Variants in PLEKHG4B observed in about 807,000 individuals in gnomAD.
PLEKHG4B encodes pleckstrin homology and RhoGEF domain containing G4B.
In PLEKHG4B, 111 loss-of-function variants were observed where a neutral mutation model predicts 121.3. That is an observed-to-expected ratio of 0.92 (90% CI 0.78 to 1.07). The LOEUF (loss-of-function observed/expected upper bound fraction) is 1.07, where lower values mean the gene tolerates loss of function less well. PLEKHG4B is among the 50% of genes least tolerant of loss of function. PLEKHG4B has a pLI of 0.00. For synonymous variants in PLEKHG4B, 738 were observed against 725.0 expected, an observed-to-expected ratio of 1.02 and a Z score of -0.29; for missense variants, 1,831 against 1,757.8, an observed-to-expected ratio of 1.04 and a Z score of -0.74.
Position 157,216 on chromosome 5 carries a change from C to G in PLEKHG4B, c.2487+305C>G, listed in dbSNP as rs1021837892. ...AGTGTGAATAGCTGGGTGTATCTTCCGGACGCTTTCTCCATGTGCATGCGT... is the reference window on the plus strand; with the variant it reads ...AGTGTGAATAGCTGGGTGTATCTTCGGGACGCTTTCTCCATGTGCATGCGT... On this transcript the variant is annotated intron_variant, in intron 11 of 19. Transcript: ENST00000637938. This position sits in a 1 kb window ranked among gnomAD's most constrained non-coding sequence, Gnocchi z 4.6. 2.5e-6 allele frequency: 1 copy of G among 402,872 alleles called. No homozygotes were observed. 25.0% of individuals were successfully genotyped at this position (402,872 alleles called of 1,614,324 possible). A position where few individuals can be genotyped will look rare whatever the true frequency, so the allele number is the denominator to read the frequency against.
chr5:123,293 G>GTAT, intron 2 of PLEKHG4B, among the ~76,000 whole-genome samples: 2 of 152,080 alleles, frequency 1.3e-5, no homozygotes, highest in Admixed American at 1.3e-4. Context: ...TGGAAATTAT[G>GTAT]TATTTCTAAA....
intron 2 of PLEKHG4B, among the ~76,000 whole-genome samples, chr5:119,324 C>T (rs1425379684): frequency 6.6e-6 from 1 of 152,120 alleles, no homozygotes; most frequent in Admixed American, 6.6e-5. Flanking sequence ...TTTAATGTTC[C>T]ATTATTGGAA....
At chr5:141,431 C>T (rs1735198672) in intron 3 of PLEKHG4B, among the ~76,000 whole-genome samples, 1 of 150,298 alleles carries the variant, frequency 6.7e-6, no homozygotes, top group Non-Finnish European at 1.5e-5. Flanking sequence ...CTCCAGGTGT[C>T]CCGGGCTGTG....
intron 13 of PLEKHG4B, among the ~76,000 whole-genome samples, chr5:164,612 GTAATGCTGTGACGGAGCGGAGCTCACAC>G (rs1736198690): frequency 1.6e-5 from 2 of 125,524 alleles, no homozygotes; most frequent in Non-Finnish European, 1.8e-5. Flanking sequence ...GGAGCTCACA[GTAATGCTGTGACGGAGCGGAGCTCACAC>G]TAATGCTCTG....
In PLEKHG4B at chr5:143,122, A is replaced by G; in HGVS notation, c.1553A>G (p.Asp518Gly). 1 of 1,612,788 alleles carries G rather than the reference A, an allele frequency of 6.2e-7. No homozygotes were observed. The highest frequency in any genetic ancestry group is 8.5e-7 in the Non-Finnish European group (1 of 1,179,990). Residue 518 changes from aspartate to glycine, a missense_variant, in exon 4 of 20, where the codon GAT becomes GGT. Coordinates refer to ENST00000637938, the MANE Select transcript of PLEKHG4B (RefSeq NM_052909.5). Reference sequence around the variant, plus strand: ...TGCCACAACCCCAGCGGGCCTTCCGATGTGCCTGCCCGGCAGCCACACCCC... The same window carrying G: ...TGCCACAACCCCAGCGGGCCTTCCGGTGTGCCTGCCCGGCAGCCACACCCC... Reference protein sequence around the residue: ...LHCHNPSGPSDVPARQPHPEQ... With the variant: ...LHCHNPSGPSGVPARQPHPEQ...
chr5:164,969 C>CAG (rs1413293020), intron 13 of PLEKHG4B, among the ~76,000 whole-genome samples: 2 of 48,926 alleles, frequency 4.1e-5, no homozygotes, highest in Non-Finnish European at 8.9e-5. Flanking sequence ...AATGCTCTGA[C>CAG]GGGGCGGAGC....
At chr5:107,342 C>G (rs341271) in intron 1 of PLEKHG4B, among the ~76,000 whole-genome samples, 10,778 of 152,272 alleles carry the variant, frequency 0.071, 514 homozygotes, top group East Asian at 0.2. Flanking sequence ...GCTCTGGGCC[C>G]CATCCTGGGC....
chr5:130,616 G>A (rs975406601), intron 2 of PLEKHG4B, among the ~76,000 whole-genome samples: 5 of 152,274 alleles, frequency 3.3e-5, no homozygotes, highest in Non-Finnish European at 7.4e-5. Flanking sequence ...ATTATAAAGC[G>A]GGACTCTGCT....
intron 2 of PLEKHG4B, among the ~76,000 whole-genome samples, chr5:125,590 C>A (rs908896900): frequency 2.0e-5 from 3 of 152,058 alleles, no homozygotes; most frequent in South Asian, 2.1e-4. Flanking sequence ...TCTAATAATT[C>A]TTATAAATAT....
chr5:102,170 G>T (rs1217912800), intron 1 of PLEKHG4B, among the ~76,000 whole-genome samples: 1 of 152,056 alleles, frequency 6.6e-6, no homozygotes. Context: ...CTGCTGTGAG[G>T]TTAATCCATA....
At position 140,350 on chromosome 5, in the gene PLEKHG4B, G is replaced by A. The variant is rs1735121365; in HGVS notation, c.1111G>A (p.Glu371Lys). The change falls in exon 3 of 20, where the codon GAG (glutamate) becomes AAG (lysine). Residue 371 changes from glutamate (E) to lysine (K), a missense_variant. Physicochemically the swap from Glu to Lys is moderately conservative, Grantham distance 56. Coordinates refer to ENST00000637938, the MANE Select transcript of PLEKHG4B (RefSeq NM_052909.5). ...CCCCATGCCCCTGGGCAGCTCTGAG[G>A]AGGCCCTCGGGGACCTGGCCTGCAG... ...RNPMPLGSSE[E>K]ALGDLACSSL... is the part of the protein sequence containing the mutation. 7 of 1,551,668 alleles carry A rather than the reference G, an allele frequency of 4.5e-6. No individual in the cohort carries two copies. The highest frequency in any genetic ancestry group is 6.1e-6 in the Non-Finnish European group (7 of 1,148,802).
chr5:162,380 G>A (rs952546009), intron 12 of PLEKHG4B, among the ~76,000 whole-genome samples: 1 of 152,230 alleles, frequency 6.6e-6, no homozygotes, highest in African/African-American at 2.4e-5. Context: ...CATTTGAGGG[G>A]TCATGGGGTG....
chr5:156,066 T>C lies in PLEKHG4B; in HGVS notation c.2209-5T>C. The C allele has an allele frequency of 6.3e-7, 1 of 1,577,038 alleles. No individual in the cohort carries two copies. The highest frequency in any genetic ancestry group is 8.6e-7 in the Non-Finnish European group (1 of 1,159,294). ...TAAAGGCTTATTCCTCCCCATCCCG[T>C]GCAGGAAGTCGCCGAGTTAATTGAC... On this transcript the variant is annotated splice_polypyrimidine_tract_variant and splice_region_variant and intron_variant, in intron 9 of 19. Coordinates refer to ENST00000637938, the MANE Select transcript of PLEKHG4B (RefSeq NM_052909.5). This position sits in a 1 kb window ranked among gnomAD's most constrained non-coding sequence, Gnocchi z 4.4.
rs534248301 is a variant in PLEKHG4B at position 134,720 on chromosome 5, C to T, written c.244-4763C>T. 9.8e-4 allele frequency among the ~76,000 whole-genome samples: 147 copies of T among 149,666 alleles called. 1 individual carries two copies. The highest frequency in any genetic ancestry group is 8.9e-4 in the African/African-American group (36 of 40,624). On this transcript the variant is annotated intron_variant, in intron 2 of 19. Coordinates refer to ENST00000637938, the MANE Select transcript of PLEKHG4B (RefSeq NM_052909.5). ...GGTGGAGGTTGCAGTCAGCTGAGATCGTGCCACTGCACTCCAGCCTGGGCA... is the reference window on the plus strand; with the variant it reads ...GGTGGAGGTTGCAGTCAGCTGAGATTGTGCCACTGCACTCCAGCCTGGGCA...
At chr5:116,246 C>T (rs578259862) in intron 2 of PLEKHG4B, among the ~76,000 whole-genome samples, 10 of 152,216 alleles carry the variant, frequency 6.6e-5, no homozygotes, top group East Asian at 5.8e-4. Flanking sequence ...GAGCAGACTT[C>T]GGAACACACA....
rs948265608 is a variant in PLEKHG4B, at chr5:137,565, G to T, written c.244-1918G>T. On this transcript the variant is annotated intron_variant, in intron 2 of 19. Coordinates refer to ENST00000637938, the MANE Select transcript of PLEKHG4B (RefSeq NM_052909.5). This position sits in a 1 kb window ranked among gnomAD's most constrained non-coding sequence, Gnocchi z 4.2. ...GAAATAGGGTTTGGAAATAGGTTTT[G>T]TCTCATCAAATATTTGATATGTAGA... is the stretch of plus-strand genomic sequence containing the variant. Among the ~76,000 whole-genome samples, 1 of 152,190 alleles carries T rather than the reference G, an allele frequency of 6.6e-6. No individual in the cohort carries two copies. The highest frequency in any genetic ancestry group is 1.5e-5 in the Non-Finnish European group (1 of 68,038).
chr5:187,187 G>A lies in PLEKHG4B; in HGVS notation c.*4864G>A, dbSNP rs39788. On this transcript the variant is annotated 3_prime_UTR_variant, in exon 20 of 20. Transcript: ENST00000637938. Reference sequence around the variant, plus strand: ...CATTCAGAGGTGAGGAAGGGGTGCCGGCATCTGCCCCAGACACAACCGGGC... The same window carrying A: ...CATTCAGAGGTGAGGAAGGGGTGCCAGCATCTGCCCCAGACACAACCGGGC... 130,508 of 152,422 alleles carry A rather than the reference G, an allele frequency of 0.86. 57,820 individuals are homozygous for A. The highest frequency in any genetic ancestry group is 0.98 in the South Asian group (4,742 of 4,832). The allele number at this position is 152,422 out of a possible 1,614,324, so 9.4% of individuals were successfully genotyped here. A position where few individuals can be genotyped will look rare whatever the true frequency, so the allele number is the denominator to read the frequency against.
At chr5:129,526 C>G (rs918405022) in intron 2 of PLEKHG4B, among the ~76,000 whole-genome samples, 2 of 152,180 alleles carry the variant, frequency 1.3e-5, no homozygotes, top group Admixed American at 6.5e-5. Flanking sequence ...ATGTATAAAA[C>G]CAAACTGTAA....
chr5:173,196 T>G, intron 17 of PLEKHG4B, 129 bp downstream of exon 17: 1 of 892,784 alleles, frequency 1.1e-6, no homozygotes, highest in Non-Finnish European at 1.7e-6. Flanking sequence ...CGCACTGCGA[T>G]GTTTGTTTTC....
Sources: allele counts gnomAD v4.1 joint callset (sites outside exome capture counted in the v4.1 genomes callset), GRCh38; gene constraint gnomAD v4.1.1; non-coding constraint Gnocchi (gnomAD v3.1); transcripts MANE v1.5; gene names NCBI Gene and HGNC (gene_info 2026-07-23, HGNC 2026-07-21).